Variants in FRRS1L observed in about 807,000 individuals in gnomAD.
FRRS1L encodes DOMON domain-containing protein FRRS1L.
FRRS1L carries 22 observed loss-of-function variants against 28.6 expected under a neutral mutation model. That is an observed-to-expected ratio of 0.77 (90% confidence interval 0.55 to 1.10). The LOEUF is 1.10. Ranked by LOEUF, FRRS1L falls within the 50% of genes least tolerant of loss-of-function variation. The pLI is 0.00. For synonymous variants in FRRS1L, 158 were observed against 151.4 expected, an observed-to-expected ratio of 1.04 and a Z score of -0.32; for missense variants, 380 against 386.9, an observed-to-expected ratio of 0.98 and a Z score of 0.15.
intron 1 of FRRS1L, among the ~76,000 whole-genome samples, chr9:109,154,080 G>A (rs1376240776): frequency 2.0e-5 from 3 of 152,200 alleles, no homozygotes; most frequent in Non-Finnish European, 4.4e-5. Flanking sequence ...CAGTTGGCCT[G>A]AGTTCCCAGT....
intron 3 of FRRS1L, among the ~76,000 whole-genome samples, chr9:109,146,224 T>TAAATTAAA (rs1554733046): frequency 6.6e-6 from 1 of 151,312 alleles, no homozygotes; most frequent in Admixed American, 6.6e-5. Context: ...AACAAATAAA[T>TAAATTAAA]TAAATAAATA....
rs1831567635 is a variant in FRRS1L, at chr9:109,167,199, G to C, written c.-61C>G. 8.0e-7 allele frequency: 1 copy of C among 1,249,532 alleles called. No individual in the cohort carries two copies. The highest frequency in any genetic ancestry group is 1.0e-6 in the Non-Finnish European group (1 of 994,550). The allele number at this position is 1,249,532 out of a possible 1,614,324, so 77.4% of individuals were successfully genotyped here. A position where few individuals can be genotyped will look rare whatever the true frequency, so the allele number is the denominator to read the frequency against. ...CCGCAGCGGGGGCGCCGCGGGCGCGGGCCGGGACTGAGCCTCCGCCGAGGC... is the reference window on the plus strand; with the variant it reads ...CCGCAGCGGGGGCGCCGCGGGCGCGCGCCGGGACTGAGCCTCCGCCGAGGC... On this transcript the variant is annotated 5_prime_UTR_variant, in exon 1 of 5. Transcript: ENST00000561981.
At chr9:109,163,981 G>A (rs1397055803) in intron 1 of FRRS1L, among the ~76,000 whole-genome samples, 1 of 152,130 alleles carries the variant, frequency 6.6e-6, no homozygotes, top group Non-Finnish European at 1.5e-5. Context: ...ACCTTGGTAG[G>A]AAACAGGCTC....
rs1831106373 is a variant in FRRS1L, at chr9:109,136,016, G to C, written c.*1439C>G. On this transcript the variant is annotated 3_prime_UTR_variant, in exon 5 of 5. Transcript: ENST00000561981. ...AGGCCAAAGCAGGTGGATCACCTGA[G>C]GTCAGGAGTTCGAGACCAGCCTGAC... is the stretch of plus-strand genomic sequence containing the variant. 1 of 151,802 alleles carries C rather than the reference G, an allele frequency of 6.6e-6. No individual in the cohort carries two copies. The highest frequency in any genetic ancestry group is 6.6e-5 in the Admixed American group (1 of 15,214). The allele number at this position is 151,802 out of a possible 1,614,324, so 9.4% of individuals were successfully genotyped here. A position where few individuals can be genotyped will look rare whatever the true frequency, so the allele number is the denominator to read the frequency against.
chr9:109,149,494 C>T (rs1273528921), intron 2 of FRRS1L, 142 bp downstream of exon 2: 2 of 594,150 alleles, frequency 3.4e-6, no homozygotes, highest in Non-Finnish European at 6.0e-6. Context: ...GCGGGATGGC[C>T]GTTACGAAAC....
chr9:109,154,704 A>C (rs1461294344), intron 1 of FRRS1L, among the ~76,000 whole-genome samples: 1 of 152,218 alleles, frequency 6.6e-6, no homozygotes, highest in Non-Finnish European at 1.5e-5. Flanking sequence ...TCCCCACCTT[A>C]GACACGAGGT....
intron 3 of FRRS1L, among the ~76,000 whole-genome samples, chr9:109,142,804 C>T (rs1357424321): frequency 8.5e-6 from 1 of 117,606 alleles, no homozygotes; most frequent in Non-Finnish European, 1.8e-5. Context: ...GAGACCCTGT[C>T]TCAAAAAATA....
chr9:109,164,539 C>T (rs978111866), intron 1 of FRRS1L, among the ~76,000 whole-genome samples: 1 of 151,930 alleles, frequency 6.6e-6, no homozygotes, highest in South Asian at 2.1e-4. Context: ...GCTGGGATTA[C>T]AGGCGTGCAC....
chr9:109,154,454 T>C (rs921163170), intron 1 of FRRS1L, among the ~76,000 whole-genome samples: 3 of 152,218 alleles, frequency 2.0e-5, no homozygotes, highest in Non-Finnish European at 4.4e-5. Context: ...TACAATGTGT[T>C]TGCCAAAACT....
In FRRS1L at chr9:109,134,659, T is replaced by C. The variant is rs1831092436; in HGVS notation, c.*2796A>G. On this transcript the variant is annotated 3_prime_UTR_variant, in exon 5 of 5. Transcript: ENST00000561981. Reference sequence around the variant, plus strand: ...TCTAAGCATAAATAAGCAAAATCGGTAATCAAATGAGAAATCACTAGTGAA... The same window carrying C: ...TCTAAGCATAAATAAGCAAAATCGGCAATCAAATGAGAAATCACTAGTGAA... 1 of 152,182 alleles carries C rather than the reference T, an allele frequency of 6.6e-6. No homozygotes were observed. The highest frequency in any genetic ancestry group is 1.5e-5 in the Non-Finnish European group (1 of 68,026). 9.4% of individuals were successfully genotyped at this position (152,182 alleles called of 1,614,324 possible).
chr9:109,149,390 C>T (rs150119622), intron 2 of FRRS1L, among the ~76,000 whole-genome samples: 176 of 152,266 alleles, frequency 1.2e-3, no homozygotes, highest in Non-Finnish European at 2.2e-3. Context: ...GTAGGAGACA[C>T]CTGGAGCAAT....
intron 1 of FRRS1L, among the ~76,000 whole-genome samples, chr9:109,156,829 C>A (rs746702225): frequency 2.0e-5 from 3 of 151,984 alleles, no homozygotes; most frequent in Non-Finnish European, 4.4e-5. Flanking sequence ...AGCCACCACA[C>A]CCAGCAACTT....
intron 4 of FRRS1L, 170 bp downstream of exon 4, chr9:109,141,173 T>C (rs1346960469): frequency 1.5e-6 from 1 of 666,768 alleles, no homozygotes; most frequent in Non-Finnish European, 2.5e-6. Context: ...AATAAGTCCA[T>C]TATAATAAGT....
At chr9:109,144,813 A>G (rs575343169) in intron 3 of FRRS1L, among the ~76,000 whole-genome samples, 146 of 151,640 alleles carry the variant, frequency 9.6e-4, no homozygotes, top group African/African-American at 3.4e-3. Flanking sequence ...CCTCTCGAGT[A>G]GCTGGGATTA....
intron 1 of FRRS1L, among the ~76,000 whole-genome samples, chr9:109,156,630 C>T (rs1187327611): frequency 6.6e-6 from 1 of 151,494 alleles, no homozygotes; most frequent in Non-Finnish European, 1.5e-5. Flanking sequence ...ACCTCGTGAT[C>T]CGCCCGCCTC....
rs190452630 is a variant in FRRS1L, at chr9:109,143,879, G to C, written c.463-2290C>G. On this transcript the variant is annotated intron_variant, in intron 3 of 4. Transcript: ENST00000561981. ...TCCATTTTGTTTTTCCTATACATTA[G>C]GTTCTCAAAAAAAATTAATCTGTGC... Among the ~76,000 whole-genome samples, 1,063 of 151,848 alleles carry C rather than the reference G, an allele frequency of 7.0e-3. 17 individuals are homozygous for C. Among genetic ancestry groups the C allele is most frequent in the Middle Eastern group, 0.027 (8 of 294 alleles).
chr9:109,130,602 T>C lies in FRRS1L; in HGVS notation c.*6853A>G, dbSNP rs891434704. The C allele has an allele frequency of 6.6e-6, 1 of 152,206 alleles. No individual in the cohort carries two copies. The highest frequency in any genetic ancestry group is 2.4e-5 in the African/African-American group (1 of 41,454). The allele number at this position is 152,206 out of a possible 1,614,324, so 9.4% of individuals were successfully genotyped here. On this transcript the variant is annotated 3_prime_UTR_variant, in exon 5 of 5. Transcript: ENST00000561981. ...CTCAAAATTAATCACAAACATTAGG[T>C]ACACAATTGTTATAAAACAAATATA...
chr9:109,151,849 A>C (rs550831685), intron 1 of FRRS1L: 1 of 152,662 alleles, frequency 6.6e-6, no homozygotes, highest in African/African-American at 2.4e-5. Flanking sequence ...AGCCACTACA[A>C]ACTACTGTAT....
intron 1 of FRRS1L, chr9:109,150,776 T>TC (rs1418523492): frequency 2.0e-5 from 3 of 152,242 alleles, no homozygotes; most frequent in African/African-American, 7.2e-5. Flanking sequence ...AAATCTTTTC[T>TC]CCTAGGCTGT....
Sources: allele counts gnomAD v4.1 joint callset (sites outside exome capture counted in the v4.1 genomes callset), GRCh38; gene constraint gnomAD v4.1.1; transcripts MANE v1.5; gene names NCBI Gene and HGNC (gene_info 2026-07-23, HGNC 2026-07-21).